Variants in HDAC9 observed in about 807,000 individuals in gnomAD.
HDAC9 encodes the protein MEF-2 interacting transcription repressor (MITR) protein.
A neutral mutation model predicts 139.4 loss-of-function variants in HDAC9; 41 were observed. That is an observed-to-expected ratio of 0.29 (90% confidence interval 0.23 to 0.38). The LOEUF (loss-of-function observed/expected upper bound fraction) is 0.38. Ranked by LOEUF, HDAC9 falls within the 10% of genes least tolerant of loss-of-function variation. The pLI, the probability that HDAC9 is intolerant of heterozygous loss-of-function variation, is 1.00. For synonymous variants in HDAC9, 517 were observed against 476.2 expected (o/e 1.09, Z -1.12); for missense variants, 1,147 against 1,297.0 (o/e 0.88, Z 1.78).
intron 1 of HDAC9, among the ~76,000 whole-genome samples, chr7:18,433,880 A>C (rs1204511275): frequency 1.3e-5 from 2 of 152,246 alleles, no homozygotes; most frequent in African/African-American, 4.8e-5. Flanking sequence ...TATTCCTGTC[A>C]AACTACCAAC....
intron 1 of HDAC9, among the ~76,000 whole-genome samples, chr7:18,108,147 C>G (rs938558607): frequency 6.6e-6 from 1 of 152,098 alleles, no homozygotes; most frequent in East Asian, 1.9e-4. Flanking sequence ...CCTGTTAGTC[C>G]TTAGTTGAGG....
chr7:18,782,324 C>T (rs1411053970), intron 16 of HDAC9, among the ~76,000 whole-genome samples: 1 of 152,048 alleles, frequency 6.6e-6, no homozygotes, highest in Non-Finnish European at 1.5e-5. Flanking sequence ...ATATTTCCAC[C>T]AGGAAGCAAC....
At chr7:18,679,476 C>T (rs941210332) in intron 12 of HDAC9, among the ~76,000 whole-genome samples, 15 of 151,432 alleles carry the variant, frequency 9.9e-5, no homozygotes, top group African/African-American at 3.1e-4. Context: ...CCTTCCCTCC[C>T]ACCCTCTCTC....
intron 19 of HDAC9, among the ~76,000 whole-genome samples, chr7:18,834,899 A>G (rs1055942631): frequency 1.3e-5 from 2 of 152,244 alleles, no homozygotes; most frequent in East Asian, 3.8e-4. Flanking sequence ...TGGCAAATCA[A>G]TGCATACACG....
intron 2 of HDAC9, among the ~76,000 whole-genome samples, chr7:18,505,125 C>A (rs1468377516): frequency 6.6e-6 from 1 of 152,160 alleles, no homozygotes; most frequent in Non-Finnish European, 1.5e-5. Flanking sequence ...AACCAAGCTT[C>A]TATGAGCGTG....
intron 2 of HDAC9, among the ~76,000 whole-genome samples, chr7:18,584,080 C>T (rs1828671584): frequency 6.6e-6 from 1 of 151,288 alleles, no homozygotes; most frequent in Non-Finnish European, 1.5e-5. Flanking sequence ...ATAAATGGTA[C>T]ACCTGGATAT....
chr7:18,801,454 T>C (rs1288062796), intron 17 of HDAC9, among the ~76,000 whole-genome samples: 1 of 152,104 alleles, frequency 6.6e-6, no homozygotes, highest in Non-Finnish European at 1.5e-5. Flanking sequence ...TTGGTTATGA[T>C]TTATTATCAT....
chr7:18,834,298 A>G (rs932044667), intron 19 of HDAC9, among the ~76,000 whole-genome samples: 2 of 152,106 alleles, frequency 1.3e-5, no homozygotes, highest in African/African-American at 4.8e-5. Context: ...ATTCTATTGA[A>G]TACAAATATA....
At chr7:18,482,402 A>C in intron 1 of HDAC9, among the ~76,000 whole-genome samples, 1 of 140,560 alleles carries the variant, frequency 7.1e-6, no homozygotes, top group East Asian at 2.1e-4. Flanking sequence ...AAAAAAAAAA[A>C]AAAAAAAAAA....
chr7:18,560,354 A>G (rs1583394874), intron 2 of HDAC9, among the ~76,000 whole-genome samples: 1 of 152,174 alleles, frequency 6.6e-6, no homozygotes, highest in African/African-American at 2.4e-5. Context: ...CTGTTGTAGA[A>G]TATTCACTCT....
chr7:18,885,107 C>T (rs767160949), intron 22 of HDAC9, among the ~76,000 whole-genome samples: 2 of 152,176 alleles, frequency 1.3e-5, no homozygotes, highest in Non-Finnish European at 2.9e-5. Context: ...ACTTTCTGCT[C>T]GAAACATTCT....
intron 11 of HDAC9, among the ~76,000 whole-genome samples, chr7:18,654,032 G>GT (rs1790247990): frequency 6.6e-6 from 1 of 152,200 alleles, no homozygotes; most frequent in East Asian, 1.9e-4. Flanking sequence ...CCTGAAGGCA[G>GT]TTATAATGTA....
chr7:18,741,029 T>C (rs544527322), intron 13 of HDAC9, among the ~76,000 whole-genome samples: 15 of 152,218 alleles, frequency 9.9e-5, no homozygotes, highest in African/African-American at 3.6e-4. Flanking sequence ...CCAGCAGAGG[T>C]TGGCTCTTGA....
At chr7:18,269,583 A>G (rs1001996827) in intron 2 of HDAC9, among the ~76,000 whole-genome samples, 2 of 152,050 alleles carry the variant, frequency 1.3e-5, no homozygotes, top group Non-Finnish European at 2.9e-5. Flanking sequence ...GAAGCTGGGC[A>G]TGGTGGTGTG....
intron 2 of HDAC9, among the ~76,000 whole-genome samples, chr7:18,177,757 A>G (rs1250852056): frequency 1.3e-5 from 2 of 152,140 alleles, no homozygotes; most frequent in Non-Finnish European, 2.9e-5. Flanking sequence ...TATAGAGTGA[A>G]GCAGTTGGCA....
At chr7:18,941,354 T>A (rs932595543) in intron 23 of HDAC9, among the ~76,000 whole-genome samples, 1 of 152,130 alleles carries the variant, frequency 6.6e-6, no homozygotes, top group Admixed American at 6.6e-5. Context: ...GTGATTGTGT[T>A]GGTTGATAAT....
chr7:18,549,565 A>T (rs909153466), intron 2 of HDAC9, among the ~76,000 whole-genome samples: 7 of 152,166 alleles, frequency 4.6e-5, no homozygotes, highest in African/African-American at 1.7e-4. Context: ...AACAGTTTAC[A>T]TATGGTATGC....
intron 6 of HDAC9, among the ~76,000 whole-genome samples, chr7:18,622,682 T>C (rs991309810): frequency 6.6e-6 from 1 of 152,108 alleles, no homozygotes; most frequent in Non-Finnish European, 1.5e-5. Context: ...TCTTAATATA[T>C]GAAATATGTT....
rs576423895 is a variant in HDAC9, at chr7:18,592,416, A to G, written c.542+774A>G. On this transcript the variant is annotated intron_variant, in intron 5 of 25. Transcript: ENST00000686413. ...ATGTGGTGATTTTAAAACTCAGGGC[A>G]AAGAACTGATAGGCAAATCATATAT... Among the ~76,000 whole-genome samples the G allele has an allele frequency of 8.5e-5, 13 of 152,312 alleles. No homozygotes were observed. In the South Asian group the frequency reaches 2.7e-3, roughly 32 times the overall value.
Sources: allele counts gnomAD v4.1 joint callset (sites outside exome capture counted in the v4.1 genomes callset), GRCh38; gene constraint gnomAD v4.1.1; transcripts MANE v1.5; gene names NCBI Gene and HGNC (gene_info 2026-07-23, HGNC 2026-07-21).